Variants in ACOXL observed in about 807,000 individuals in gnomAD.
ACOXL encodes the protein acyl-CoA oxidase like.
Under a neutral mutation model 71.9 loss-of-function variants are expected in ACOXL, and 70 were observed. The observed-to-expected ratio is 0.97, with a 90% CI of 0.80 to 1.19. The LOEUF is 1.19. ACOXL is among the 50% of genes most tolerant of loss of function. The pLI is 0.00. For missense variants in ACOXL, 703 were observed against 736.3 expected, an observed-to-expected ratio of 0.95 and a Z score of 0.52; for synonymous variants, 253 against 281.6, an observed-to-expected ratio of 0.90 and a Z score of 1.02.
At position 111,056,788 on chromosome 2, in the gene ACOXL, CAAAAAA is replaced by C. The variant is rs34865595; in HGVS notation, c.1440+7515_1440+7520del. Among the ~76,000 whole-genome samples, 23 of 102,322 alleles carry C rather than the reference CAAAAAA, an allele frequency of 2.2e-4. No homozygotes were observed. The Admixed American group carries it at 2.5e-3, about 11-fold the overall frequency. The allele number at this position is 102,322 out of a possible 152,430, so 67.1% of individuals were successfully genotyped here. On this transcript the variant is annotated intron_variant, in intron 16 of 17. Transcript: ENST00000439055. Reference sequence around the variant, plus strand: ...GGGTGACAGAGCAAGACTCTGTCTCCAAAAAAAAAAAAAAAAAAAATTTCATGGTAG... The same window carrying C: ...GGGTGACAGAGCAAGACTCTGTCTCCAAAAAAAAAAAAAATTTCATGGTAG...
chr2:110,818,000 AC>A (rs1389673021), intron 9 of ACOXL, among the ~76,000 whole-genome samples: 2 of 143,486 alleles, frequency 1.4e-5, no homozygotes, highest in Non-Finnish European at 3.0e-5. Flanking sequence ...GCCAAATTAT[AC>A]CTTTTACTGC....
chr2:111,116,983 C>T (rs2070403061), intron 17 of ACOXL, among the ~76,000 whole-genome samples: 1 of 152,246 alleles, frequency 6.6e-6, no homozygotes, highest in Admixed American at 6.5e-5. Flanking sequence ...CGTTCCTTGG[C>T]ATTGGCGTTA....
intron 1 of ACOXL, among the ~76,000 whole-genome samples, chr2:110,749,498 G>A (rs572819393): frequency 1.7e-4 from 26 of 152,144 alleles, no homozygotes; most frequent in Non-Finnish European, 2.9e-4. Context: ...GGCTGAGGCC[G>A]GTGGATCACT....
At chr2:111,000,691 T>A (rs1250694166) in intron 14 of ACOXL, among the ~76,000 whole-genome samples, 1 of 152,198 alleles carries the variant, frequency 6.6e-6, no homozygotes. Context: ...TGCAGCCGCA[T>A]CTCTCCAGGC....
chr2:110,858,025 T>C (rs956748053), intron 10 of ACOXL, among the ~76,000 whole-genome samples: 1 of 152,170 alleles, frequency 6.6e-6, no homozygotes, highest in African/African-American at 2.4e-5. Context: ...TGTGCCTGGA[T>C]GCTGGCTAGG....
intron 16 of ACOXL, among the ~76,000 whole-genome samples, chr2:111,057,939 G>A (rs967657135): frequency 6.6e-6 from 1 of 151,382 alleles, no homozygotes; most frequent in South Asian, 2.1e-4. Flanking sequence ...CGTGGAGGGT[G>A]CAACGCTTTG....
At chr2:111,111,724 C>T (rs566058424) in intron 17 of ACOXL, among the ~76,000 whole-genome samples, 1 of 152,256 alleles carries the variant, frequency 6.6e-6, no homozygotes, top group Middle Eastern at 3.4e-3. Context: ...ATTAAGCAAA[C>T]TTTGTCATGG....
At chr2:110,980,491 C>G (rs2062657518) in intron 12 of ACOXL, among the ~76,000 whole-genome samples, 1 of 152,184 alleles carries the variant, frequency 6.6e-6, no homozygotes, top group African/African-American at 2.4e-5. Flanking sequence ...CTGTTCCTGT[C>G]TATTGTGGCA....
At chr2:110,739,519 A>G (rs1038973760) in intron 1 of ACOXL, among the ~76,000 whole-genome samples, 4 of 152,358 alleles carry the variant, frequency 2.6e-5, no homozygotes, top group Non-Finnish European at 5.9e-5. Flanking sequence ...TGTCCACAGC[A>G]TGGAGGCCAC....
chr2:110,875,486 C>T (rs1055383452), intron 10 of ACOXL, among the ~76,000 whole-genome samples: 3 of 152,138 alleles, frequency 2.0e-5, no homozygotes, highest in African/African-American at 7.2e-5. Flanking sequence ...CCAGAAGTCA[C>T]CGACCCAGCA....
chr2:110,963,744 G>A, intron 12 of ACOXL: 20 of 1,612,522 alleles, frequency 1.2e-5, no homozygotes, highest in Non-Finnish European at 1.7e-5. Context: ...TCAAGATCAA[G>A]AGTTATCCAG....
intron 15 of ACOXL, among the ~76,000 whole-genome samples, chr2:111,032,004 A>T (rs962398097): frequency 6.6e-6 from 1 of 152,266 alleles, no homozygotes; most frequent in Non-Finnish European, 1.5e-5. Flanking sequence ...GACAGGAGCC[A>T]GTTGGCAAAA....
intron 17 of ACOXL, among the ~76,000 whole-genome samples, chr2:111,109,369 TTC>T (rs2069778343): frequency 6.6e-6 from 1 of 152,240 alleles, no homozygotes; most frequent in Admixed American, 6.5e-5. Flanking sequence ...GTCTCATTCT[TTC>T]TGACTTCTGA....
intron 10 of ACOXL, among the ~76,000 whole-genome samples, chr2:110,897,235 G>C (rs1212299860): frequency 6.6e-6 from 1 of 152,206 alleles, no homozygotes; most frequent in Non-Finnish European, 1.5e-5. Context: ...GCAGTGCTGA[G>C]AGGAAAATTT....
At chr2:111,019,175 A>C (rs1389116124) in intron 14 of ACOXL, among the ~76,000 whole-genome samples, 1 of 152,182 alleles carries the variant, frequency 6.6e-6, no homozygotes, top group Non-Finnish European at 1.5e-5. Context: ...CCGTACTCCA[A>C]ATGCATGCTT....
intron 16 of ACOXL, among the ~76,000 whole-genome samples, chr2:111,067,033 C>G (rs965999745): frequency 1.3e-5 from 2 of 152,202 alleles, no homozygotes; most frequent in East Asian, 3.9e-4. Flanking sequence ...AATTTGGTTC[C>G]TGACAACAGA....
chr2:111,069,878 G>A, intron 16 of ACOXL, among the ~76,000 whole-genome samples: 1 of 151,950 alleles, frequency 6.6e-6, no homozygotes, highest in Non-Finnish European at 1.5e-5. Flanking sequence ...TGTGCTTTTT[G>A]AATTTGCTCC....
At chr2:110,918,549 A>C (rs144982379) in intron 11 of ACOXL, among the ~76,000 whole-genome samples, 1,989 of 152,338 alleles carry the variant, frequency 0.013, 22 homozygotes, top group Non-Finnish European at 0.02. Context: ...CAAAATTGAC[A>C]AATGGGATCT....
At position 111,019,435 on chromosome 2, in the gene ACOXL, G is replaced by A. The variant is rs145094249; in HGVS notation, c.1282-12192G>A. ...AATCATTTTCTATTCCGAAAGGCTC[G>A]GTAATGAAAACCGGACTCTTCATTT... On this transcript the variant is annotated intron_variant, in intron 14 of 17. Coordinates refer to ENST00000439055, the MANE Select transcript of ACOXL (RefSeq NM_001142807.4). 2.5e-3 allele frequency among the ~76,000 whole-genome samples: 378 copies of A among 152,292 alleles called. 7 individuals are homozygous for A. In the East Asian group the frequency reaches 0.046, roughly 19 times the overall value.
Sources: allele counts gnomAD v4.1 joint callset (sites outside exome capture counted in the v4.1 genomes callset), GRCh38; gene constraint gnomAD v4.1.1; transcripts MANE v1.5; gene names NCBI Gene and HGNC (gene_info 2026-07-23, HGNC 2026-07-21).